Variants in FBXO42 observed in about 807,000 individuals in gnomAD.
FBXO42 encodes F-box protein 42.
A neutral mutation model predicts 71.7 loss-of-function variants in FBXO42; 12 were observed. The observed-to-expected ratio is 0.17, with a 90% confidence interval of 0.11 to 0.27. The LOEUF is 0.27. Ranked by LOEUF, FBXO42 falls within the 10% of genes least tolerant of loss-of-function variation. FBXO42 has a pLI of 1.00. For missense variants in FBXO42, 707 were observed against 911.9 expected (o/e 0.78, Z 2.89); for synonymous variants, 325 against 327.5 (o/e 0.99, Z 0.08).
chr1:16,345,629 C>A (rs1423642137), intron 1 of FBXO42, among the ~76,000 whole-genome samples: 1 of 151,700 alleles, frequency 6.6e-6, no homozygotes, highest in East Asian at 1.9e-4. Context: ...GCAGGCGGAT[C>A]ACAAGGTCAG....
At chr1:16,302,148 C>A (rs999485539) in intron 3 of FBXO42, among the ~76,000 whole-genome samples, 10 of 152,116 alleles carry the variant, frequency 6.6e-5, no homozygotes, top group African/African-American at 2.2e-4. Context: ...AAGAAAAGAG[C>A]TTAATATCTA....
chr1:16,336,766 C>T (rs2082556741), intron 1 of FBXO42, among the ~76,000 whole-genome samples: 1 of 151,176 alleles, frequency 6.6e-6, no homozygotes, highest in African/African-American at 2.4e-5. Context: ...GGTGAATCAC[C>T]TAAGGTCAGG....
chr1:16,299,586 T>C (rs1211444211), intron 3 of FBXO42, among the ~76,000 whole-genome samples: 1 of 152,144 alleles, frequency 6.6e-6, no homozygotes, highest in East Asian at 1.9e-4. Flanking sequence ...TAGGCAGCTA[T>C]ATTTAGAACT....
At position 16,350,016 on chromosome 1, in the gene FBXO42, T is replaced by C. The variant is rs1383369264; in HGVS notation, c.-18+2239A>G. 2.6e-5 allele frequency among the ~76,000 whole-genome samples: 4 copies of C among 152,170 alleles called. No individual in the cohort carries two copies. The East Asian group carries it at 7.7e-4, about 29-fold the overall frequency. ...TAGCATTTTCTTTGCTTGCTCTCCA[T>C]AATAGGTAGGACTCACCCTGCTCTG... is the stretch of plus-strand genomic sequence containing the variant. On this transcript the variant is annotated intron_variant, in intron 1 of 9. Transcript: ENST00000375592.
intron 1 of FBXO42, among the ~76,000 whole-genome samples, chr1:16,339,741 C>T (rs1438642565): frequency 6.6e-6 from 1 of 152,054 alleles, no homozygotes; most frequent in East Asian, 1.9e-4. Flanking sequence ...CCCCAGGAAA[C>T]CTAAAGGACA....
chr1:16,349,890 TA>T lies in FBXO42; in HGVS notation c.-18+2364del, dbSNP rs2082683766. 1.3e-4 allele frequency among the ~76,000 whole-genome samples: 20 copies of T among 152,280 alleles called. No individual in the cohort carries two copies. The South Asian group carries it at 4.1e-3, about 32-fold the overall frequency. On this transcript the variant is annotated intron_variant, in intron 1 of 9. Coordinates refer to ENST00000375592, the MANE Select transcript of FBXO42 (RefSeq NM_018994.3). ...AAACAAAAAGAGTTAATTCATTGACTAAAACAATTCTGAAATCACAAAGATA... is the reference window on the plus strand; with the variant it reads ...AAACAAAAAGAGTTAATTCATTGACTAAACAATTCTGAAATCACAAAGATA...
chr1:16,335,063 C>CAAAAAAAAAAAAA (rs55983316), intron 1 of FBXO42, among the ~76,000 whole-genome samples: 8 of 69,024 alleles, frequency 1.2e-4, no homozygotes, highest in Non-Finnish European at 1.5e-4. Context: ...CTCGTCTGTA[C>CAAAAAAAAAAAAA]AAAAAAAAAA....
chr1:16,267,371 G>C (rs2081787947), intron 4 of FBXO42, among the ~76,000 whole-genome samples: 1 of 152,164 alleles, frequency 6.6e-6, no homozygotes, highest in African/African-American at 2.4e-5. Flanking sequence ...TTCTACCCAG[G>C]AGTGCTCTTT....
intron 1 of FBXO42, among the ~76,000 whole-genome samples, chr1:16,350,753 AAAAAAAAG>A (rs1557612326): frequency 3.5e-5 from 1 of 28,872 alleles, no homozygotes; most frequent in African/African-American, 1.8e-4. Flanking sequence ...CAAAAAAAAA[AAAAAAAAG>A]AAAGAAAGAA....
At chr1:16,336,872 C>T (rs1477461615) in intron 1 of FBXO42, among the ~76,000 whole-genome samples, 2 of 152,040 alleles carry the variant, frequency 1.3e-5, no homozygotes, top group Non-Finnish European at 2.9e-5. Context: ...GTAATTCTAG[C>T]TACTTGGGAG....
chr1:16,342,701 G>T (rs1284388620), intron 1 of FBXO42, among the ~76,000 whole-genome samples: 1 of 152,046 alleles, frequency 6.6e-6, no homozygotes, highest in Non-Finnish European at 1.5e-5. Flanking sequence ...TTTAGATAAG[G>T]TTTGTCGCCA....
chr1:16,340,375 A>G (rs575876418), intron 1 of FBXO42, among the ~76,000 whole-genome samples: 31 of 152,022 alleles, frequency 2.0e-4, no homozygotes, highest in African/African-American at 7.2e-4. Flanking sequence ...CTAGAGTGAA[A>G]TAGTGCCATC....
At chr1:16,333,436 A>ACCC (rs71574175) in intron 1 of FBXO42, among the ~76,000 whole-genome samples, 2 of 101,730 alleles carry the variant, frequency 2.0e-5, no homozygotes, top group South Asian at 3.7e-4. Context: ...AAATAGTGAG[A>ACCC]CCCCCCCCCC....
Position 16,315,014 on chromosome 1 carries a change from T to TA in FBXO42, c.250+154dup, listed in dbSNP as rs540790520. On this transcript the variant is annotated intron_variant, in intron 2 of 9. Transcript: ENST00000375592. ...TCAGTATTCAAGCTGTTCATTAAAC[T>TA]AACCAGGGTAAGAAAGAAAACCGGG... is the stretch of plus-strand genomic sequence containing the variant. Among the ~76,000 whole-genome samples the TA allele has an allele frequency of 2.1e-3, 316 of 152,282 alleles. 1 individual carries two copies. The highest frequency in any genetic ancestry group is 2.6e-3 in the Non-Finnish European group (177 of 68,018).
At position 16,247,906 on chromosome 1, in the gene FBXO42, C is replaced by T. The variant is rs1247618097; in HGVS notation, c.*2764G>A. ...TTCTTAAGTAAGATGGACAAGGTGA[C>T]CAGTGAAGTCACTAGGCCATGGGAG... On this transcript the variant is annotated 3_prime_UTR_variant, in exon 10 of 10. Coordinates refer to ENST00000375592, the MANE Select transcript of FBXO42 (RefSeq NM_018994.3). 1 of 143,206 alleles carries T rather than the reference C, an allele frequency of 7.0e-6. No homozygotes were observed. Among genetic ancestry groups the T allele is most frequent in the African/African-American group, 3.0e-5 (1 of 32,928 alleles). The allele number at this position is 143,206 out of a possible 1,614,324, so 8.9% of individuals were successfully genotyped here. A position where few individuals can be genotyped will look rare whatever the true frequency, so the allele number is the denominator to read the frequency against.
rs55865669 is a variant in FBXO42 at position 16,338,354 on chromosome 1, C to CAAA, written c.-18+13898_-18+13900dup. 4.1e-4 allele frequency among the ~76,000 whole-genome samples: 44 copies of CAAA among 108,132 alleles called. 1 individual carries two copies. The highest frequency in any genetic ancestry group is 8.2e-4 in the East Asian group (3 of 3,644). 70.9% of individuals were successfully genotyped at this position (108,132 alleles called of 152,430 possible). A position where few individuals can be genotyped will look rare whatever the true frequency, so the allele number is the denominator to read the frequency against. ...GAGGAACAGAGTATGGCCCTATCTC[C>CAAA]AAAAAAAAAAAAAAAAAAAAAAGAA... On this transcript the variant is annotated intron_variant, in intron 1 of 9. Coordinates refer to ENST00000375592, the MANE Select transcript of FBXO42 (RefSeq NM_018994.3).
At chr1:16,280,187 T>G (rs529675118) in intron 4 of FBXO42, among the ~76,000 whole-genome samples, 2 of 152,256 alleles carry the variant, frequency 1.3e-5, no homozygotes, top group East Asian at 1.9e-4. Context: ...AGAATGGCAT[T>G]ATATCTCCAC....
At chr1:16,277,427 A>T (rs1397501849) in intron 4 of FBXO42, among the ~76,000 whole-genome samples, 1 of 151,836 alleles carries the variant, frequency 6.6e-6, no homozygotes, top group East Asian at 1.9e-4. Context: ...TATTATTTTT[A>T]AAAATTCCAT....
At chr1:16,318,466 C>G (rs2082388864) in intron 1 of FBXO42, among the ~76,000 whole-genome samples, 1 of 152,064 alleles carries the variant, frequency 6.6e-6, no homozygotes, top group Non-Finnish European at 1.5e-5. Flanking sequence ...GCAGTTACTT[C>G]TAGTGGGAAT....
Sources: gnomAD v4.1 joint callset for allele counts (sites outside exome capture counted in the v4.1 genomes callset) on GRCh38, gnomAD v4.1.1 for gene constraint, MANE v1.5 for transcripts, NCBI Gene and HGNC (gene_info 2026-07-23, HGNC 2026-07-21) for gene names.